The following MAP3K5 variants were observed in gnomAD, a reference collection of about 807,000 sequenced individuals.
MAP3K5 encodes the protein ASK-1.
A neutral mutation model predicts 158.7 loss-of-function variants in MAP3K5; 56 were observed. The ratio of observed to expected loss-of-function variants is 0.35; its 90% confidence interval spans 0.28 to 0.44. The LOEUF is 0.44. MAP3K5 is among the 20% of genes least tolerant of loss of function. MAP3K5 has a pLI of 1.00. For missense variants in MAP3K5, 1,294 were observed against 1,674.8 expected, an observed-to-expected ratio of 0.77 and a Z score of 3.97; for synonymous variants, 579 against 601.7, an observed-to-expected ratio of 0.96 and a Z score of 0.55.
intron 1 of MAP3K5, among the ~76,000 whole-genome samples, chr6:136,730,255 T>TC (rs1375980104): frequency 6.7e-6 from 1 of 150,230 alleles, no homozygotes; most frequent in Non-Finnish European, 1.5e-5. Flanking sequence ...CGCCTAGGCC[T>TC]CCCAAGTGCT....
At chr6:136,561,512 C>A in intron 28 of MAP3K5, 21 bp downstream of exon 28, 1 of 1,519,734 alleles carries the variant, frequency 6.6e-7, no homozygotes, top group South Asian at 1.1e-5. Context: ...GAATACTTGT[C>A]CCACAGACAG....
intron 3 of MAP3K5, among the ~76,000 whole-genome samples, chr6:136,702,088 C>T (rs948485567): frequency 5.9e-5 from 9 of 152,074 alleles, no homozygotes; most frequent in Admixed American, 2.6e-4. Flanking sequence ...TCAGAGTCTT[C>T]GCTGAAAATA....
At position 136,783,560 on chromosome 6, in the gene MAP3K5, C is replaced by T. The variant is rs1461306902; in HGVS notation, c.448+8150G>A. On this transcript the variant is annotated intron_variant, in intron 1 of 29. Transcript: ENST00000359015. ...TCTGATAACCACATAGCTGTGGGTT[C>T]CTGCAACACTGCCCACCTCCACCAC... 3.3e-5 allele frequency among the ~76,000 whole-genome samples: 5 copies of T among 152,302 alleles called. No homozygotes were observed. The East Asian group carries it at 9.7e-4, about 29-fold the overall frequency.
intron 14 of MAP3K5, among the ~76,000 whole-genome samples, chr6:136,627,339 T>G (rs1213192282): frequency 6.6e-6 from 1 of 152,184 alleles, no homozygotes; most frequent in African/African-American, 2.4e-5. Flanking sequence ...CAATTTATTC[T>G]CCACTAAATT....
At chr6:136,582,685 T>C (rs1305726292) in intron 24 of MAP3K5, among the ~76,000 whole-genome samples, 2 of 152,190 alleles carry the variant, frequency 1.3e-5, no homozygotes, top group African/African-American at 4.8e-5. Flanking sequence ...GCAAATAAAA[T>C]TGTCAACACA....
chr6:136,705,154 T>A, intron 2 of MAP3K5, 21 bp from the exon 3 acceptor site: 1 of 1,123,674 alleles, frequency 8.9e-7, no homozygotes, highest in Non-Finnish European at 1.3e-6. Flanking sequence ...AGAAAAAAAA[T>A]ATACCACAAG....
intron 3 of MAP3K5, among the ~76,000 whole-genome samples, chr6:136,699,922 C>T (rs1256342256): frequency 2.0e-5 from 3 of 152,032 alleles, no homozygotes; most frequent in East Asian, 1.9e-4. Flanking sequence ...GGTGAAACCC[C>T]GTCTCTACCA....
intron 11 of MAP3K5, 38 bp downstream of exon 11, chr6:136,650,946 G>T: frequency 7.5e-7 from 1 of 1,329,732 alleles, no homozygotes; most frequent in Non-Finnish European, 1.1e-6. Flanking sequence ...AAAGTCCCTT[G>T]TTACTAATGC....
chr6:136,592,056 A>C (rs1384743000), intron 23 of MAP3K5, 117 bp downstream of exon 23: 2 of 829,940 alleles, frequency 2.4e-6, no homozygotes, highest in Admixed American at 5.6e-5. Flanking sequence ...TAGGTTTATC[A>C]TGATGATCAC....
At chr6:136,682,689 T>C (rs989666453) in intron 7 of MAP3K5, among the ~76,000 whole-genome samples, 1 of 152,210 alleles carries the variant, frequency 6.6e-6, no homozygotes, top group African/African-American at 2.4e-5. Context: ...AAGAAAGACA[T>C]GATTATGCTA....
chr6:136,781,890 C>A (rs917588879), intron 1 of MAP3K5, among the ~76,000 whole-genome samples: 3 of 152,066 alleles, frequency 2.0e-5, no homozygotes, highest in Non-Finnish European at 4.4e-5. Flanking sequence ...GTCACAATGA[C>A]CATATTACAA....
chr6:136,731,899 G>A (rs146912419), intron 1 of MAP3K5, among the ~76,000 whole-genome samples: 75 of 152,314 alleles, frequency 4.9e-4, no homozygotes, highest in African/African-American at 1.7e-3. Context: ...TAATGGGACA[G>A]AAAGATCTAA....
At chr6:136,767,557 C>T (rs1242440896) in intron 1 of MAP3K5, among the ~76,000 whole-genome samples, 2 of 151,876 alleles carry the variant, frequency 1.3e-5, no homozygotes, top group African/African-American at 4.8e-5. Context: ...AAACTTGAGT[C>T]CAGCTGTCAT....
At chr6:136,569,152 T>A (rs760790306) in intron 25 of MAP3K5, among the ~76,000 whole-genome samples, 47 of 152,182 alleles carry the variant, frequency 3.1e-4, no homozygotes, top group Admixed American at 5.2e-4. Flanking sequence ...GACTCTAGTA[T>A]AGCATCCCAT....
At chr6:136,766,042 C>A (rs1447919592) in intron 1 of MAP3K5, among the ~76,000 whole-genome samples, 1 of 152,048 alleles carries the variant, frequency 6.6e-6, no homozygotes, top group African/African-American at 2.4e-5. Context: ...GAAATTGTCC[C>A]AACTCCCAAA....
chr6:136,703,830 AG>A (rs1188174785), intron 3 of MAP3K5, among the ~76,000 whole-genome samples: 2 of 152,244 alleles, frequency 1.3e-5, no homozygotes, highest in African/African-American at 4.8e-5. Context: ...TGATTTAAGG[AG>A]AAATTAGCAA....
chr6:136,699,834 C>T (rs1264289414), intron 3 of MAP3K5, among the ~76,000 whole-genome samples: 2 of 152,192 alleles, frequency 1.3e-5, no homozygotes, highest in Non-Finnish European at 2.9e-5. Flanking sequence ...TGGCTCACGC[C>T]TGTAATCCCA....
intron 1 of MAP3K5, among the ~76,000 whole-genome samples, chr6:136,723,908 T>C (rs1781848065): frequency 6.6e-6 from 1 of 152,132 alleles, no homozygotes; most frequent in African/African-American, 2.4e-5. Context: ...CCTCAACATT[T>C]CTGCATCAAA....
chr6:136,758,342 G>C (rs1324803260), intron 1 of MAP3K5, among the ~76,000 whole-genome samples: 1 of 152,146 alleles, frequency 6.6e-6, no homozygotes, highest in Non-Finnish European at 1.5e-5. Flanking sequence ...CCTTTAAGAT[G>C]TTCCCATGAT....
Sources: gnomAD v4.1 joint callset for allele counts (sites outside exome capture counted in the v4.1 genomes callset) on GRCh38, gnomAD v4.1.1 for gene constraint, MANE v1.5 for transcripts, NCBI Gene and HGNC (gene_info 2026-07-23, HGNC 2026-07-21) for gene names.